Variants in SCGB3A2 observed in about 807,000 individuals in gnomAD.
The protein encoded by SCGB3A2 is pneumo secretory protein 1.
A neutral mutation model predicts 7.7 loss-of-function variants in SCGB3A2; 5 were observed. That is an observed-to-expected ratio of 0.65 (90% CI 0.34 to 1.36). The LOEUF is 1.36. Ranked by LOEUF, SCGB3A2 falls within the 40% of genes most tolerant of loss-of-function variation. SCGB3A2 has a pLI of 0.04. For synonymous variants in SCGB3A2, 44 were observed against 42.7 expected, an observed-to-expected ratio of 1.03 and a Z score of -0.12; for missense variants, 109 against 103.6, an observed-to-expected ratio of 1.05 and a Z score of -0.23.
Position 147,879,025 on chromosome 5 carries a change from G to A in SCGB3A2, c.55+167G>A, listed in dbSNP as rs76863577. Among the ~76,000 whole-genome samples the A allele has an allele frequency of 6.0e-3, 906 of 152,048 alleles. 15 individuals are homozygous for A. The highest frequency in any genetic ancestry group is 0.02 in the African/African-American group (815 of 41,452). On this transcript the variant is annotated intron_variant, in intron 1 of 2. Coordinates refer to ENST00000296694, the MANE Select transcript of SCGB3A2 (RefSeq NM_054023.5). ...ACATAATAATTGCACATATTTGCAG[G>A]GTTGGAAGAAGTTTTGGAATCACAG...
chr5:147,881,236 A>G (rs1195742183), intron 1 of SCGB3A2: 3 of 558,930 alleles, frequency 5.4e-6, no homozygotes, highest in East Asian at 5.7e-5. Flanking sequence ...GAGACCAAAT[A>G]ATGTGAGAAA....
At chr5:147,878,967 A>T in intron 1 of SCGB3A2, 109 bp downstream of exon 1, 1 of 748,600 alleles carries the variant, frequency 1.3e-6, no homozygotes, top group Admixed American at 2.2e-5. Context: ...GGTGGTAGGA[A>T]TTGTATTTTT....
In SCGB3A2 at chr5:147,878,828, C is replaced by G; in HGVS notation, c.25C>G (p.Leu9Val). The G allele has an allele frequency of 6.2e-7, 1 of 1,612,692 alleles. No homozygotes were observed. Among genetic ancestry groups the G allele is most frequent in the Middle Eastern group, 1.7e-4 (1 of 6,060 alleles). MKLVTIFLLVTISLCSYSA... is the reference protein window; with the variant it reads MKLVTIFLVVTISLCSYSA... ...CATGAAGCTGGTAACTATCTTCCTGCTGGTGACCATCAGCCTTTGTAGTTA... is the reference window on the plus strand; with the variant it reads ...CATGAAGCTGGTAACTATCTTCCTGGTGGTGACCATCAGCCTTTGTAGTTA... The change falls in exon 1 of 3, where the codon CTG (leucine) becomes GTG (valine). Residue 9 changes from leucine to valine, a missense_variant. Transcript: ENST00000296694.
chr5:147,881,251 G>A (rs923164117), intron 1 of SCGB3A2, among the ~76,000 whole-genome samples, 195 bp from the exon 2 acceptor site: 3 of 152,116 alleles, frequency 2.0e-5, no homozygotes, highest in Non-Finnish European at 2.9e-5. Context: ...GAGAAAGAAA[G>A]GTAAGTAGCT....
chr5:147,882,096 C>G lies in SCGB3A2; in HGVS notation c.*46C>G. 1 of 1,588,568 alleles carries G rather than the reference C, an allele frequency of 6.3e-7. No homozygotes were observed. Among genetic ancestry groups the G allele is most frequent in the Non-Finnish European group, 8.6e-7 (1 of 1,157,078 alleles). On this transcript the variant is annotated 3_prime_UTR_variant, in exon 3 of 3. Coordinates refer to ENST00000296694, the MANE Select transcript of SCGB3A2 (RefSeq NM_054023.5). ...GTGGATGGGGATGGAAGATGATGCT[C>G]CTATCCTCCCTGCCTGAAACCTGTT... is the stretch of plus-strand genomic sequence containing the variant.
At chr5:147,878,996 T>G (rs1038604573) in intron 1 of SCGB3A2, 138 bp downstream of exon 1, 1 of 652,596 alleles carries the variant, frequency 1.5e-6, no homozygotes, top group Non-Finnish European at 2.7e-6. Context: ...TACTTTTAAC[T>G]GACACATAAT....
At chr5:147,879,109 A>C (rs1016279644) in intron 1 of SCGB3A2, among the ~76,000 whole-genome samples, 3 of 152,224 alleles carry the variant, frequency 2.0e-5, no homozygotes, top group Non-Finnish European at 4.4e-5. Context: ...AGCCCAATAT[A>C]AGTATTCTAA....
chr5:147,881,878 C>T (rs1042498654), intron 2 of SCGB3A2, 149 bp from the exon 3 acceptor site: 9 of 862,556 alleles, frequency 1.0e-5, no homozygotes, highest in East Asian at 7.8e-5. Context: ...TTACCACCTT[C>T]GTGATTTTGG....
At position 147,881,580 on chromosome 5, in the gene SCGB3A2, G is replaced by GT. The variant is rs1382656916; in HGVS notation, c.191dup (p.Glu65GlyfsTer9). The GT allele has an allele frequency of 6.2e-7, 1 of 1,613,988 alleles. No homozygotes were observed. Among genetic ancestry groups the GT allele is most frequent in the Middle Eastern group, 1.7e-4 (1 of 6,058 alleles). ...TCTGGGCATTTCTGTTGAGCACCTT[G>GT]TGGAGGGGCTAAGGAAGTGTGTAAA... On this transcript the variant is annotated frameshift_variant, in exon 2 of 3. Coordinates refer to ENST00000296694, the MANE Select transcript of SCGB3A2 (RefSeq NM_054023.5). LOFTEE classifies it high-confidence loss of function.
intron 1 of SCGB3A2, among the ~76,000 whole-genome samples, chr5:147,879,957 G>A (rs1266297498): frequency 6.6e-6 from 1 of 152,170 alleles, no homozygotes; most frequent in Admixed American, 6.5e-5. Flanking sequence ...GGGCAAAGTG[G>A]CAGCAGAAAG....
Position 147,878,859 on chromosome 5 carries a change from G to A in SCGB3A2, c.55+1G>A. On this transcript the variant is annotated splice_donor_variant, in intron 1 of 2. Transcript: ENST00000296694. LOFTEE classifies it high-confidence loss of function. ...ACCATCAGCCTTTGTAGTTACTCTG[G>A]TAAGTAACTGGAATACATCTGGAAT... is the stretch of plus-strand genomic sequence containing the variant. The A allele has an allele frequency of 1.3e-6, 2 of 1,594,902 alleles. No individual in the cohort carries two copies. The highest frequency in any genetic ancestry group is 2.2e-5 in the South Asian group (2 of 90,602).
intron 1 of SCGB3A2, chr5:147,880,830 A>G (rs538186852): frequency 6.5e-6 from 1 of 153,862 alleles, no homozygotes; most frequent in Non-Finnish European, 1.4e-5. Context: ...TTGGTGCTCA[A>G]TTATGTTTGT....
chr5:147,878,734 C>T lies in SCGB3A2; in HGVS notation c.-70C>T. ...TCACACTTTGTATGGCAAGTGGAAC[C>T]ACTGGCTTGGTGGATTTTGCTAGAT... On this transcript the variant is annotated 5_prime_UTR_variant, in exon 1 of 3. Coordinates refer to ENST00000296694, the MANE Select transcript of SCGB3A2 (RefSeq NM_054023.5). 8.3e-7 allele frequency: 1 copy of T among 1,202,992 alleles called. No individual in the cohort carries two copies. The highest frequency in any genetic ancestry group is 1.2e-6 in the Non-Finnish European group (1 of 805,506). 74.5% of individuals were successfully genotyped at this position (1,202,992 alleles called of 1,614,324 possible).
rs773092660 is a variant in SCGB3A2, at chr5:147,878,762, T to C, written c.-42T>C. On this transcript the variant is annotated 5_prime_UTR_variant, in exon 1 of 3. Transcript: ENST00000296694. ...TGGCTTGGTGGATTTTGCTAGATTTTTCTGATTTTTAAACTCCTGAAAAAT... is the reference window on the plus strand; with the variant it reads ...TGGCTTGGTGGATTTTGCTAGATTTCTCTGATTTTTAAACTCCTGAAAAAT... 2 of 1,544,424 alleles carry C rather than the reference T, an allele frequency of 1.3e-6. No individual in the cohort carries two copies. Among genetic ancestry groups the C allele is most frequent in the South Asian group, 2.2e-5 (2 of 89,548 alleles).
rs757143528 is a variant in SCGB3A2 at position 147,881,540 on chromosome 5, GCTTCTT to G, written c.153_158del (p.Leu52_Leu53del). 6.2e-7 allele frequency: 1 copy of G among 1,613,904 alleles called. No individual in the cohort carries two copies. ...TTCTTCCCTTTATGGATCCATTAAA[GCTTCTT>G]CTGAAAACTCTGGGCATTTCTGTTG... On this transcript the variant is annotated inframe_deletion, in exon 2 of 3. Coordinates refer to ENST00000296694, the MANE Select transcript of SCGB3A2 (RefSeq NM_054023.5).
At chr5:147,879,328 A>G (rs1757310158) in intron 1 of SCGB3A2, among the ~76,000 whole-genome samples, 1 of 152,242 alleles carries the variant, frequency 6.6e-6, no homozygotes, top group South Asian at 2.1e-4. Flanking sequence ...TTCTCCTGAG[A>G]TAGCTACATT....
At chr5:147,881,230 C>G in intron 1 of SCGB3A2, 1 of 548,418 alleles carries the variant, frequency 1.8e-6, no homozygotes, top group Non-Finnish European at 3.2e-6. Context: ...TGAAGAGAGA[C>G]CAAATAATGT....
chr5:147,881,485 A>G lies in SCGB3A2; in HGVS notation c.95A>G (p.Asp32Gly), dbSNP rs142388312. ...ATCAACAAAGTGCCCCTTCCTGTTG[A>G]CAAGTTGGCACCTTTACCTCTGGAC... ...FLINKVPLPV[D>G]KLAPLPLDNI... Residue 32 changes from aspartate to glycine, a missense_variant, in exon 2 of 3, where the codon GAC (aspartate) becomes GGC (glycine). Asp to Gly is a moderately conservative substitution (Grantham distance 94). Transcript: ENST00000296694. 25 of 1,613,924 alleles carry G rather than the reference A, an allele frequency of 1.5e-5. No homozygotes were observed. In the African/African-American group the frequency reaches 3.1e-4, roughly 20 times the overall value.
rs755052157 is a variant in SCGB3A2, at chr5:147,881,586, G to C, written c.196G>C (p.Gly66Arg). 6.2e-7 allele frequency: 1 copy of C among 1,613,970 alleles called. No individual in the cohort carries two copies. Among genetic ancestry groups the C allele is most frequent in the Non-Finnish European group, 8.5e-7 (1 of 1,179,924 alleles). Residue 66 changes from glycine to arginine, a missense_variant, in exon 2 of 3, where the codon GGG becomes CGG. Gly to Arg is a moderately radical substitution (Grantham distance 125). Coordinates refer to ENST00000296694, the MANE Select transcript of SCGB3A2 (RefSeq NM_054023.5). The stretch of plus-strand genomic sequence containing the variant: ...CATTTCTGTTGAGCACCTTGTGGAG[G>C]GGCTAAGGAAGTGTGTAAATGAGCT... The part of the protein sequence containing the change: ...LGISVEHLVE[G>R]LRKCVNELGP...
Sources: allele counts gnomAD v4.1 joint callset (sites outside exome capture counted in the v4.1 genomes callset), GRCh38; gene constraint gnomAD v4.1.1; transcripts MANE v1.5; gene names NCBI Gene and HGNC (gene_info 2026-07-23, HGNC 2026-07-21).